LRMDA: variants seen among roughly 807,000 people sequenced by gnomAD.
LRMDA encodes leucine-rich melanocyte differentiation-associated protein.
In LRMDA, 18 loss-of-function variants were observed where a neutral mutation model predicts 29.8. The observed-to-expected ratio is 0.60, with a 90% CI of 0.42 to 0.90. The LOEUF (loss-of-function observed/expected upper bound fraction) is 0.90. Ranked by LOEUF, LRMDA falls within the 40% of genes least tolerant of loss-of-function variation. The pLI is 0.00. For synonymous variants in LRMDA, 125 were observed against 109.4 expected, an observed-to-expected ratio of 1.14 and a Z score of -0.89; for missense variants, 273 against 273.9, an observed-to-expected ratio of 1.00 and a Z score of 0.02.
chr10:76,271,501 T>G (rs918795295), intron 5 of LRMDA, among the ~76,000 whole-genome samples: 1 of 152,178 alleles, frequency 6.6e-6, no homozygotes, highest in African/African-American at 2.4e-5. Flanking sequence ...AACTTTCCAG[T>G]CCTTTGATTG....
chr10:76,269,017 T>C (rs1462673549), intron 5 of LRMDA, among the ~76,000 whole-genome samples: 1 of 152,312 alleles, frequency 6.6e-6, no homozygotes, highest in African/African-American at 2.4e-5. Flanking sequence ...TATAAATGAC[T>C]AATGGAACAC....
At chr10:75,493,578 C>G (rs1845012431) in intron 2 of LRMDA, among the ~76,000 whole-genome samples, 1 of 152,024 alleles carries the variant, frequency 6.6e-6, no homozygotes, top group African/African-American at 2.4e-5. Context: ...ATGGAAGATA[C>G]CCCGTCATTC....
At chr10:75,946,640 C>T (rs1846481162) in intron 2 of LRMDA, among the ~76,000 whole-genome samples, 1 of 152,174 alleles carries the variant, frequency 6.6e-6, no homozygotes, top group Non-Finnish European at 1.5e-5. Context: ...GGATGCTCTA[C>T]AAGTAGGCAA....
At chr10:76,061,420 C>G (rs761475852) in intron 5 of LRMDA, among the ~76,000 whole-genome samples, 48 of 152,168 alleles carry the variant, frequency 3.2e-4, no homozygotes, top group Non-Finnish European at 3.5e-4. Context: ...CTATTAGGTA[C>G]TAGGCTTGGT....
chr10:75,543,457 A>G (rs372625077), intron 2 of LRMDA, among the ~76,000 whole-genome samples: 7 of 151,256 alleles, frequency 4.6e-5, no homozygotes, highest in African/African-American at 1.7e-4. Flanking sequence ...TTACTTCAAG[A>G]AAAAAAAATG....
At chr10:76,232,168 G>A (rs1427977372) in intron 5 of LRMDA, among the ~76,000 whole-genome samples, 2 of 152,142 alleles carry the variant, frequency 1.3e-5, no homozygotes, top group East Asian at 1.9e-4. Context: ...GTTTCTTTAA[G>A]TGATATGATT....
At chr10:75,680,307 G>A (rs1490272512) in intron 2 of LRMDA, among the ~76,000 whole-genome samples, 1 of 152,160 alleles carries the variant, frequency 6.6e-6, no homozygotes, top group African/African-American at 2.4e-5. Context: ...TCCATTCTGG[G>A]ACAGAAGAAT....
At chr10:76,002,873 T>A (rs1389464814) in intron 2 of LRMDA, among the ~76,000 whole-genome samples, 1 of 152,210 alleles carries the variant, frequency 6.6e-6, no homozygotes, top group Non-Finnish European at 1.5e-5. Context: ...CCCAGCCTTC[T>A]GGGCCTGGGG....
intron 2 of LRMDA, among the ~76,000 whole-genome samples, chr10:75,788,270 T>G (rs1416353853): frequency 8.5e-5 from 13 of 152,332 alleles, no homozygotes; most frequent in Non-Finnish European, 2.9e-5. Flanking sequence ...AAGGAACAGA[T>G]TCAGCCTCTT....
chr10:76,139,444 C>T (rs1850158560), intron 5 of LRMDA, among the ~76,000 whole-genome samples: 1 of 152,132 alleles, frequency 6.6e-6, no homozygotes, highest in Non-Finnish European at 1.5e-5. Context: ...CACAGACGCA[C>T]ATGCTTACTT....
At chr10:75,499,290 G>T (rs943658603) in intron 2 of LRMDA, among the ~76,000 whole-genome samples, 3 of 152,180 alleles carry the variant, frequency 2.0e-5, no homozygotes, top group African/African-American at 7.2e-5. Flanking sequence ...CCTAGTCCGT[G>T]GAATTCATCT....
chr10:75,906,114 A>T (rs979575760), intron 2 of LRMDA, among the ~76,000 whole-genome samples: 1 of 151,544 alleles, frequency 6.6e-6, no homozygotes, highest in South Asian at 2.1e-4. Context: ...CTGTTTTCTC[A>T]TCTTTCAAAT....
At chr10:75,863,948 A>C (rs568842785) in intron 2 of LRMDA, among the ~76,000 whole-genome samples, 1 of 151,270 alleles carries the variant, frequency 6.6e-6, no homozygotes, top group Non-Finnish European at 1.5e-5. Context: ...GCTTCTAAGG[A>C]TTTGAAGCTT....
chr10:75,527,805 T>A (rs1030067407), intron 2 of LRMDA, among the ~76,000 whole-genome samples: 3 of 150,000 alleles, frequency 2.0e-5, no homozygotes, highest in African/African-American at 4.9e-5. Context: ...ATTTATATGT[T>A]GGAGTGCAGT....
At position 76,494,734 on chromosome 10, in the gene LRMDA, C is replaced by G. The variant is rs185930323; in HGVS notation, c.602-62475C>G. 2.3e-4 allele frequency among the ~76,000 whole-genome samples: 35 copies of G among 151,636 alleles called. 1 individual carries two copies. The East Asian group carries it at 6.8e-3, about 30-fold the overall frequency. ...AGATCTTTCTTTTTTTCTAATATGA[C>G]CTCTAATGGTAAAAATTTTGCTCTG... On this transcript the variant is annotated intron_variant, in intron 6 of 6. Coordinates refer to ENST00000611255, the MANE Select transcript of LRMDA (RefSeq NM_001305581.2).
At position 76,014,128 on chromosome 10, in the gene LRMDA, A is replaced by T. The variant is rs1343559456; in HGVS notation, c.132-21880A>T. Reference sequence around the variant, plus strand: ...AAAGTATATATATATATATATAATTATATATATATATATATAATTATATAT... The same window carrying T: ...AAAGTATATATATATATATATAATTTTATATATATATATATAATTATATAT... On this transcript the variant is annotated intron_variant, in intron 2 of 6. Coordinates refer to ENST00000611255, the MANE Select transcript of LRMDA (RefSeq NM_001305581.2). 1.3e-4 allele frequency among the ~76,000 whole-genome samples: 12 copies of T among 94,886 alleles called. 1 individual carries two copies. The highest frequency in any genetic ancestry group is 7.7e-4 in the Admixed American group (6 of 7,812). 62.2% of individuals were successfully genotyped at this position (94,886 alleles called of 152,430 possible).
intron 2 of LRMDA, among the ~76,000 whole-genome samples, chr10:75,781,305 T>G (rs1843380138): frequency 6.6e-6 from 1 of 152,220 alleles, no homozygotes; most frequent in Admixed American, 6.5e-5. Context: ...TACATTTTTG[T>G]TATAGAAGAA....
chr10:75,706,620 A>G (rs1842372721), intron 2 of LRMDA, among the ~76,000 whole-genome samples: 1 of 152,350 alleles, frequency 6.6e-6, no homozygotes, highest in African/African-American at 2.4e-5. Flanking sequence ...TGAGCAATGA[A>G]CAGAATGAGG....
At chr10:76,441,731 G>A (rs1417390083) in intron 6 of LRMDA, among the ~76,000 whole-genome samples, 1 of 152,122 alleles carries the variant, frequency 6.6e-6, no homozygotes, top group Non-Finnish European at 1.5e-5. Flanking sequence ...ACCTCCTCTT[G>A]TTCTTCTTTC....
Sources: allele counts gnomAD v4.1 joint callset (sites outside exome capture counted in the v4.1 genomes callset), GRCh38; gene constraint gnomAD v4.1.1; transcripts MANE v1.5; gene names NCBI Gene and HGNC (gene_info 2026-07-23, HGNC 2026-07-21).